KRT76: variants seen among roughly 807,000 people sequenced by gnomAD.
KRT76 encodes keratin 76.
KRT76 carries 47 observed loss-of-function variants against 44.9 expected under a neutral mutation model. The ratio of observed to expected loss-of-function variants is 1.05; its 90% CI spans 0.83 to 1.33. The LOEUF is 1.33. Ranked by LOEUF, KRT76 falls within the 40% of genes most tolerant of loss-of-function variation. The probability of loss-of-function intolerance (pLI) is 0.00; values close to 1 mark genes in which losing one functional copy is unlikely to be tolerated. For synonymous variants in KRT76, 331 were observed against 294.1 expected, an observed-to-expected ratio of 1.13 and a Z score of -1.28; for missense variants, 860 against 775.8, an observed-to-expected ratio of 1.11 and a Z score of -1.29.
At chr12:52,773,713 G>T (rs1939220472) in intron 2 of KRT76, 71 bp from the exon 3 acceptor site, 1 of 1,316,502 alleles carries the variant, frequency 7.6e-7, no homozygotes, top group Non-Finnish European at 1.1e-6. Context: ...AGGATTCCAG[G>T]CACTCTCCTC....
Position 52,776,858 on chromosome 12 carries a change from C to T in KRT76, c.434G>A (p.Gly145Asp). Residue 145 changes from glycine (G) to aspartate (D), a missense_variant, in exon 1 of 9, where the codon GGC becomes GAC. Transcript: ENST00000332411. ...CCCAGGAAAGCCCCCAGGGCCAAAGCCACCAGGACCACCAAAGCTGCCAGG... is the reference window on the plus strand; with the variant it reads ...CCCAGGAAAGCCCCCAGGGCCAAAGTCACCAGGACCACCAAAGCTGCCAGG... Reference protein sequence around the residue: ...GGPGSFGGPGGFGPGGFPGGI... With the variant: ...GGPGSFGGPGDFGPGGFPGGI... The T allele has an allele frequency of 6.2e-7, 1 of 1,612,834 alleles. No individual in the cohort carries two copies. The highest frequency in any genetic ancestry group is 8.5e-7 in the Non-Finnish European group (1 of 1,179,324).
chr12:52,772,343 A>G, intron 4 of KRT76, 85 bp from the exon 5 acceptor site: 1 of 1,351,138 alleles, frequency 7.4e-7, no homozygotes, highest in African/African-American at 1.4e-5. Context: ...TATCCCAAGG[A>G]TGGGGCTAGA....
Position 52,772,173 on chromosome 12 carries a change from A to C in KRT76, c.1058T>G (p.Ile353Ser). 1 of 1,613,764 alleles carries C rather than the reference A, an allele frequency of 6.2e-7. No homozygotes were observed. The highest frequency in any genetic ancestry group is 1.1e-5 in the South Asian group (1 of 91,000). The change falls in exon 5 of 9, where the codon ATC becomes AGC. Residue 353 changes from isoleucine (I) to serine (S), a missense_variant. Physicochemically the swap from Ile to Ser is moderately radical, Grantham distance 142. Transcript: ENST00000332411. ...ATACTGGGCGCGGACCTCGGCAATG[A>C]TGCTGCCCAGGTCCAGGCAGCGGTT... ...DNNRCLDLGS[I>S]IAEVRAQYEE...
chr12:52,775,692 C>T (rs1304682877), intron 1 of KRT76, 90 bp from the exon 2 acceptor site: 6 of 958,076 alleles, frequency 6.3e-6, no homozygotes, highest in Non-Finnish European at 8.0e-6. Context: ...GAGAAGGAAC[C>T]CAGTTCTTCA....
Position 52,771,077 on chromosome 12 carries a change from T to C in KRT76, c.1406A>G (p.Gln469Arg). 6.2e-7 allele frequency: 1 copy of C among 1,614,110 alleles called. No individual in the cohort carries two copies. ...DDLARLLRDYQELMNVKLALD... is the reference protein window; with the variant it reads ...DDLARLLRDYRELMNVKLALD... ...GGCCAGCTTGACGTTCATCAGCTCC[T>C]GGTAGTCACGCAGGAGCCGAGCCAG... Residue 469 changes from glutamine to arginine, a missense_variant, in exon 7 of 9, where the codon CAG (glutamine) becomes CGG (arginine). Coordinates refer to ENST00000332411, the MANE Select transcript of KRT76 (RefSeq NM_015848.4).
At position 52,770,985 on chromosome 12, in the gene KRT76, C is replaced by T; in HGVS notation, c.1484+14G>A. 6.2e-7 allele frequency: 1 copy of T among 1,613,954 alleles called. No individual in the cohort carries two copies. The highest frequency in any genetic ancestry group is 8.5e-7 in the Non-Finnish European group (1 of 1,179,902). On this transcript the variant is annotated intron_variant, in intron 7 of 8. Transcript: ENST00000332411. ...AAACCATATCTGGAGAATGGTGATC[C>T]CATGGCCCCTCACCTGCACTCCTCT...
intron 7 of KRT76, 117 bp downstream of exon 7, chr12:52,770,882 A>G: frequency 7.4e-7 from 1 of 1,343,232 alleles, no homozygotes; most frequent in Non-Finnish European, 1.0e-6. Context: ...CTGTCATTCA[A>G]GACACTCCTT....
chr12:52,776,853 C>T lies in KRT76; in HGVS notation c.439G>A (p.Gly147Ser). The T allele has an allele frequency of 6.2e-7, 1 of 1,613,326 alleles. No homozygotes were observed. Among genetic ancestry groups the T allele is most frequent in the Non-Finnish European group, 8.5e-7 (1 of 1,179,634 alleles). ...ATTCCCCCAGGAAAGCCCCCAGGGC[C>T]AAAGCCACCAGGACCACCAAAGCTG... ...PGSFGGPGGF[G>S]PGGFPGGIQE... Residue 147 changes from glycine to serine, a missense_variant, in exon 1 of 9, where the codon GGC becomes AGC. By Grantham distance (56) the Gly-to-Ser change is moderately conservative. Transcript: ENST00000332411.
chr12:52,770,929 C>T (rs1424837434), intron 7 of KRT76, 70 bp downstream of exon 7: 4 of 1,593,644 alleles, frequency 2.5e-6, no homozygotes, highest in Non-Finnish European at 3.4e-6. Context: ...TATCATCTTG[C>T]CCCCTTTCCA....
chr12:52,775,011 T>A (rs1939238658), intron 2 of KRT76, among the ~76,000 whole-genome samples: 1 of 152,166 alleles, frequency 6.6e-6, no homozygotes, highest in Admixed American at 6.5e-5. Flanking sequence ...CTGGGGCCTG[T>A]CCACACCTAT....
chr12:52,777,215 C>T lies in KRT76; in HGVS notation c.77G>A (p.Gly26Asp), dbSNP rs1179745430. ...GFSGRSAVVS[G>D]SSRMSCVARS... ...GGCCACACAGCTCATCCTGCTGCTG[C>T]CGGAGACCACAGCAGAGCGGCCAGA... is the stretch of plus-strand genomic sequence containing the variant. Residue 26 changes from glycine to aspartate, a missense_variant, in exon 1 of 9, where the codon GGC becomes GAC. Transcript: ENST00000332411. 1.2e-6 allele frequency: 2 copies of T among 1,614,112 alleles called. No homozygotes were observed. Among genetic ancestry groups the T allele is most frequent in the Non-Finnish European group, 1.7e-6 (2 of 1,180,050 alleles).
chr12:52,772,313 G>A (rs1387119509), intron 4 of KRT76, 55 bp from the exon 5 acceptor site: 4 of 1,516,766 alleles, frequency 2.6e-6, no homozygotes, highest in Non-Finnish European at 3.6e-6. Flanking sequence ...GGGATGCTGG[G>A]AATCCTCTAC....
intron 4 of KRT76, 128 bp from the exon 5 acceptor site, chr12:52,772,386 T>G: frequency 1.2e-6 from 1 of 864,800 alleles, no homozygotes; most frequent in Non-Finnish European, 1.7e-6. Flanking sequence ...GCTCACATTT[T>G]AGGCCTGGCT....
rs551971722 is a variant in KRT76 at position 52,771,331 on chromosome 12, C to T, written c.1264-112G>A. 2.1e-4 allele frequency: 213 copies of T among 1,016,546 alleles called. 4 individuals are homozygous for T. In the South Asian group the frequency reaches 3.1e-3, roughly 15 times the overall value. The allele number at this position is 1,016,546 out of a possible 1,614,324, so 63.0% of individuals were successfully genotyped here. ...TCCCTTCCTCCCTTTCCTTAGAAAT[C>T]CCAATGGAGCATGCTCAGAGAAAAG... On this transcript the variant is annotated intron_variant, in intron 6 of 8. Coordinates refer to ENST00000332411, the MANE Select transcript of KRT76 (RefSeq NM_015848.4).
chr12:52,774,412 C>T (rs1460788545), intron 2 of KRT76, among the ~76,000 whole-genome samples: 1 of 152,198 alleles, frequency 6.6e-6, no homozygotes, highest in Non-Finnish European at 1.5e-5. Context: ...TCCTCAGTTT[C>T]TGTTTTCCTT....
Position 52,772,145 on chromosome 12 carries a change from C to T in KRT76, c.1086G>A (p.Glu362=), listed in dbSNP as rs1429325031. The change falls in exon 5 of 9, where the codon GAG becomes GAA. Residue 362 remains glutamate (E), a synonymous_variant. Coordinates refer to ENST00000332411, the MANE Select transcript of KRT76 (RefSeq NM_015848.4). ...CAGACTTGCTCCTCTGGGCAATCTCCTCATACTGGGCGCGGACCTCGGCAA... is the reference window on the plus strand; with the variant it reads ...CAGACTTGCTCCTCTGGGCAATCTCTTCATACTGGGCGCGGACCTCGGCAA... ...SIIAEVRAQY[E]EIAQRSKSEA... The T allele has an allele frequency of 6.2e-7, 1 of 1,613,662 alleles. No individual in the cohort carries two copies. Among genetic ancestry groups the T allele is most frequent in the Non-Finnish European group, 8.5e-7 (1 of 1,179,724 alleles).
chr12:52,772,969 C>T, intron 3 of KRT76, 91 bp from the exon 4 acceptor site: 1 of 823,326 alleles, frequency 1.2e-6, no homozygotes. Context: ...CGTCTTTGTT[C>T]CGCCCCCAGC....
chr12:52,768,918 C>A lies in KRT76; in HGVS notation c.1712G>T (p.Gly571Val). Residue 571 changes from glycine (G) to valine (V), a missense_variant, in exon 9 of 9, where the codon GGT (glycine) becomes GTT (valine). Coordinates refer to ENST00000332411, the MANE Select transcript of KRT76 (RefSeq NM_015848.4). Reference protein sequence around the residue: ...GVSSGSTGGRGSSGSYQSSSS... With the variant: ...GVSSGSTGGRVSSGSYQSSSS... ...GCTGCTCTGGTAGCTCCCGCTGCTA[C>A]CCCTGCCCCCAGTGCTGCCACTGCT... 1 of 1,595,250 alleles carries A rather than the reference C, an allele frequency of 6.3e-7. No individual in the cohort carries two copies. The highest frequency in any genetic ancestry group is 8.6e-7 in the Non-Finnish European group (1 of 1,165,498).
At chr12:52,776,549 T>C (rs930643865) in intron 1 of KRT76, 143 bp downstream of exon 1, 2 of 1,323,014 alleles carry the variant, frequency 1.5e-6, no homozygotes, top group African/African-American at 2.9e-5. Context: ...AGGGGCATGA[T>C]CACTGTCCTG....
Sources: gnomAD v4.1 joint callset for allele counts (sites outside exome capture counted in the v4.1 genomes callset) on GRCh38, gnomAD v4.1.1 for gene constraint, MANE v1.5 for transcripts, NCBI Gene and HGNC (gene_info 2026-07-23, HGNC 2026-07-21) for gene names.